Variants in CACNA2D3 observed in about 807,000 individuals in gnomAD.
CACNA2D3 encodes the protein voltage-dependent calcium channel subunit alpha-2/delta-3.
In CACNA2D3, 60 loss-of-function variants were observed where a neutral mutation model predicts 160.6. The observed-to-expected ratio is 0.37, with a 90% confidence interval of 0.30 to 0.46. The LOEUF is 0.46. CACNA2D3 is among the 20% of genes least tolerant of loss of function. CACNA2D3 has a pLI of 1.00. For synonymous variants in CACNA2D3, 558 were observed against 492.9 expected, an observed-to-expected ratio of 1.13 and a Z score of -1.75; for missense variants, 1,205 against 1,365.0, an observed-to-expected ratio of 0.88 and a Z score of 1.85.
intron 5 of CACNA2D3, among the ~76,000 whole-genome samples, chr3:54,517,328 A>C (rs1044072159): frequency 6.6e-6 from 1 of 152,210 alleles, no homozygotes; most frequent in Non-Finnish European, 1.5e-5. Context: ...GCCAGATTAG[A>C]GTGTAGCCAT....
At chr3:54,300,875 G>A (rs1475184129) in intron 2 of CACNA2D3, among the ~76,000 whole-genome samples, 1 of 152,064 alleles carries the variant, frequency 6.6e-6, no homozygotes, top group Non-Finnish European at 1.5e-5. Flanking sequence ...TAAAAAATTA[G>A]CTGGGCATGG....
At chr3:54,212,629 T>A (rs929021471) in intron 2 of CACNA2D3, among the ~76,000 whole-genome samples, 8 of 152,186 alleles carry the variant, frequency 5.3e-5, no homozygotes, top group Non-Finnish European at 8.8e-5. Context: ...GAGGGTATAA[T>A]GAGGTGTGTC....
In CACNA2D3 at chr3:54,944,961, A is replaced by G. The variant is rs574947845; in HGVS notation, c.2450-23489A>G. Among the ~76,000 whole-genome samples the G allele has an allele frequency of 1.1e-4, 17 of 152,264 alleles. No individual in the cohort carries two copies. The South Asian group carries it at 3.3e-3, about 30-fold the overall frequency. The stretch of plus-strand genomic sequence containing the variant: ...TCACTTTTAAGAGTGAGGCACTAAA[A>G]TGCAGATTGAAAGTTTCTCCACAAA... On this transcript the variant is annotated intron_variant, in intron 27 of 37. Coordinates refer to ENST00000474759, the MANE Select transcript of CACNA2D3 (RefSeq NM_018398.3).
intron 18 of CACNA2D3, among the ~76,000 whole-genome samples, chr3:54,873,916 A>C (rs1160906086): frequency 1.3e-5 from 2 of 152,210 alleles, no homozygotes; most frequent in African/African-American, 4.8e-5. Flanking sequence ...AGTCTGCACA[A>C]AATCTTACAT....
At position 54,816,864 on chromosome 3, in the gene CACNA2D3, A is replaced by C. The variant is rs543016116; in HGVS notation, c.1392A>C (p.Ala464=). ...EAYIDSTLPQ[A]QKLTDDQGPV... is the part of the protein sequence containing the mutation. ...TTTTCCCCCTTCAGCTCCCTCAGGC[A>C]CAAAAGGTAAATTCTCTTCTGTCAC... The change falls in exon 14 of 38, where the codon GCA becomes GCC. Residue 464 remains alanine (A), a synonymous_variant. Coordinates refer to ENST00000474759, the MANE Select transcript of CACNA2D3 (RefSeq NM_018398.3). 5.6e-6 allele frequency: 9 copies of C among 1,613,824 alleles called. No homozygotes were observed. In the Admixed American group the frequency reaches 1.2e-4, roughly 21 times the overall value.
At chr3:54,553,975 T>G (rs1702200122) in intron 5 of CACNA2D3, among the ~76,000 whole-genome samples, 1 of 152,188 alleles carries the variant, frequency 6.6e-6, no homozygotes, top group South Asian at 2.1e-4. Flanking sequence ...GGCAGGAAAC[T>G]TGCCTATCTG....
Position 55,074,509 on chromosome 3 carries a change from A to T in CACNA2D3, c.*303A>T. ...TCCCTTCTGCTTGAAACCTATTGAA[A>T]CCAATTTAAAACTGTGTACTTTTTA... On this transcript the variant is annotated 3_prime_UTR_variant, in exon 38 of 38. Coordinates refer to ENST00000474759, the MANE Select transcript of CACNA2D3 (RefSeq NM_018398.3). 3.2e-6 allele frequency: 1 copy of T among 312,466 alleles called. No individual in the cohort carries two copies. Among genetic ancestry groups the T allele is most frequent in the Non-Finnish European group, 5.9e-6 (1 of 168,384 alleles). The allele number at this position is 312,466 out of a possible 1,614,324, so 19.4% of individuals were successfully genotyped here. A position where few individuals can be genotyped will look rare whatever the true frequency, so the allele number is the denominator to read the frequency against.
chr3:54,388,658 T>A (rs960763810), intron 4 of CACNA2D3, among the ~76,000 whole-genome samples: 1 of 152,050 alleles, frequency 6.6e-6, no homozygotes, highest in South Asian at 2.1e-4. Flanking sequence ...AAGAAGTACC[T>A]TACCTTCCTA....
At chr3:54,886,700 A>G (rs1699932395) in intron 23 of CACNA2D3, among the ~76,000 whole-genome samples, 1 of 151,818 alleles carries the variant, frequency 6.6e-6, no homozygotes. Context: ...TTTAAAATAT[A>G]TATTAAACTT....
intron 4 of CACNA2D3, among the ~76,000 whole-genome samples, chr3:54,431,765 C>T (rs1037794790): frequency 6.6e-6 from 1 of 152,026 alleles, no homozygotes; most frequent in African/African-American, 2.4e-5. Context: ...TGCCATCATG[C>T]CTGGCTAATT....
In CACNA2D3 at chr3:54,442,353, T is replaced by G. The variant is rs75594410; in HGVS notation, c.381+55579T>G. Among the ~76,000 whole-genome samples, 510 of 152,230 alleles carry G rather than the reference T, an allele frequency of 3.4e-3. 20 individuals carry two copies. The East Asian group carries it at 0.074, about 22-fold the overall frequency. On this transcript the variant is annotated intron_variant, in intron 4 of 37. Transcript: ENST00000474759. ...ACATTTTATAAAGAGGGCCCTTTAC[T>G]CCTTCTCCCTTCCTTTGGCCTGGAG...
chr3:54,677,124 A>G (rs917592159), intron 11 of CACNA2D3, among the ~76,000 whole-genome samples: 3 of 152,232 alleles, frequency 2.0e-5, no homozygotes, highest in African/African-American at 7.2e-5. Flanking sequence ...TACATGATTA[A>G]GTTTACAAGC....
intron 27 of CACNA2D3, among the ~76,000 whole-genome samples, chr3:54,907,516 GTAA>G (rs1700471028): frequency 6.6e-6 from 1 of 152,122 alleles, no homozygotes; most frequent in South Asian, 2.1e-4. Context: ...ATCTGGGTGG[GTAA>G]TAATCATTAG....
intron 14 of CACNA2D3, among the ~76,000 whole-genome samples, chr3:54,823,377 CT>C (rs1301142474): frequency 6.7e-6 from 1 of 150,210 alleles, no homozygotes. Flanking sequence ...TTATTATTAA[CT>C]TTTTTAAAAG....
At chr3:54,267,829 C>G (rs1430554631) in intron 2 of CACNA2D3, among the ~76,000 whole-genome samples, 1 of 152,102 alleles carries the variant, frequency 6.6e-6, no homozygotes, top group East Asian at 1.9e-4. Context: ...GTTATTTTTT[C>G]CATCCTAAAC....
At chr3:54,511,852 C>A (rs562746040) in intron 5 of CACNA2D3, among the ~76,000 whole-genome samples, 1 of 152,180 alleles carries the variant, frequency 6.6e-6, no homozygotes, top group Non-Finnish European at 1.5e-5. Context: ...TTCAAGGTTA[C>A]TTCTATGATA....
chr3:54,729,893 G>A (rs1225447449), intron 11 of CACNA2D3, among the ~76,000 whole-genome samples: 1 of 151,388 alleles, frequency 6.6e-6, no homozygotes, highest in African/African-American at 2.4e-5. Context: ...CAGTTACTCA[G>A]GAGGCTAAGG....
intron 9 of CACNA2D3, among the ~76,000 whole-genome samples, chr3:54,585,314 A>G (rs1702741311): frequency 6.6e-6 from 1 of 152,238 alleles, no homozygotes; most frequent in Non-Finnish European, 1.5e-5. Context: ...ATGAGTAGAC[A>G]GTAATAAATT....
intron 2 of CACNA2D3, among the ~76,000 whole-genome samples, chr3:54,132,662 G>GA (rs1265647860): frequency 6.6e-6 from 1 of 151,954 alleles, no homozygotes; most frequent in Non-Finnish European, 1.5e-5. Context: ...TGAATGATAG[G>GA]AAAAAAATAT....
Sources: gnomAD v4.1 joint callset for allele counts (sites outside exome capture counted in the v4.1 genomes callset) on GRCh38, gnomAD v4.1.1 for gene constraint, MANE v1.5 for transcripts, NCBI Gene and HGNC (gene_info 2026-07-23, HGNC 2026-07-21) for gene names.